The following SCUBE2 variants were observed in gnomAD, a reference collection of about 807,000 sequenced individuals.
SCUBE2 encodes the protein signal peptide, CUB and EGF-like domain-containing protein 2.
Under a neutral mutation model 125.9 loss-of-function variants are expected in SCUBE2, and 114 were observed. The ratio of observed to expected loss-of-function variants is 0.91; its 90% CI spans 0.78 to 1.06. SCUBE2 has a LOEUF of 1.06. SCUBE2 is among the 50% of genes least tolerant of loss of function. The pLI is 0.00. For missense variants in SCUBE2, 1,255 were observed against 1,301.8 expected (o/e 0.96, Z 0.55); for synonymous variants, 459 against 492.9 (o/e 0.93, Z 0.91).
intron 16 of SCUBE2, among the ~76,000 whole-genome samples, chr11:9,039,229 C>T (rs1428511163): frequency 6.6e-6 from 1 of 150,838 alleles, no homozygotes; most frequent in East Asian, 1.9e-4. Flanking sequence ...GAGCCTGGTA[C>T]AACAGACTGA....
chr11:9,043,790 G>A (rs1857444515), intron 16 of SCUBE2, among the ~76,000 whole-genome samples: 1 of 148,744 alleles, frequency 6.7e-6, no homozygotes, highest in Non-Finnish European at 1.5e-5. Flanking sequence ...AGAAAACCAA[G>A]TTAAAATGAC....
chr11:9,047,407 G>GT lies in SCUBE2; in HGVS notation c.1950dup (p.Arg651ThrfsTer27). On this transcript the variant is annotated frameshift_variant, in exon 16 of 23. Coordinates refer to ENST00000649792, the MANE Select transcript of SCUBE2 (RefSeq NM_001367977.2). LOFTEE classifies it high-confidence loss of function. ...CCCACTCCACAGGACTCTGCCTGGC[G>GT]TTCAGATGTTCTGGGAGGCTTTTTA... is the stretch of plus-strand genomic sequence containing the variant. 1.2e-6 allele frequency: 2 copies of GT among 1,614,176 alleles called. No homozygotes were observed. Among genetic ancestry groups the GT allele is most frequent in the Non-Finnish European group, 1.7e-6 (2 of 1,180,040 alleles).
At chr11:9,027,608 G>A (rs1364243612) in intron 19 of SCUBE2, 47 bp from the exon 20 acceptor site, 2 of 1,543,912 alleles carry the variant, frequency 1.3e-6, no homozygotes, top group Non-Finnish European at 8.8e-7. Context: ...TGTCATCTCT[G>A]TCCTGACCAC....
intron 4 of SCUBE2, 151 bp downstream of exon 4, chr11:9,074,330 C>T (rs929334124): frequency 1.1e-5 from 10 of 909,852 alleles, no homozygotes; most frequent in East Asian, 5.6e-5. Context: ...AACTTGCCCA[C>T]GGTTACCCGG....
rs183544122 is a variant in SCUBE2 at position 9,072,247 on chromosome 11, C to T, written c.517+2234G>A. On this transcript the variant is annotated intron_variant, in intron 4 of 22. Coordinates refer to ENST00000649792, the MANE Select transcript of SCUBE2 (RefSeq NM_001367977.2). The stretch of plus-strand genomic sequence containing the variant: ...TTATTGAGGTGGAGTCTCACTCTGT[C>T]GCCCAGGCTGGAGTGCAGTGGCACG... 3.8e-4 allele frequency among the ~76,000 whole-genome samples: 58 copies of T among 152,142 alleles called. No individual in the cohort carries two copies. In the East Asian group the frequency reaches 8.1e-3, roughly 21 times the overall value.
In SCUBE2 at chr11:9,040,263, A is replaced by T. The variant is rs570809649; in HGVS notation, c.2003-6467T>A. Among the ~76,000 whole-genome samples, 15 of 127,486 alleles carry T rather than the reference A, an allele frequency of 1.2e-4. No individual in the cohort carries two copies. The South Asian group carries it at 3.9e-3, about 34-fold the overall frequency. 83.6% of individuals were successfully genotyped at this position (127,486 alleles called of 152,430 possible). ...ATTTATAAATTAGGCACAGCAAGAG[A>T]TTAACAATAATAATAAAATAAAACA... On this transcript the variant is annotated intron_variant, in intron 16 of 22. Transcript: ENST00000649792.
chr11:9,022,083 T>C, intron 21 of SCUBE2, 128 bp from the exon 22 acceptor site: 1 of 669,300 alleles, frequency 1.5e-6, no homozygotes. Context: ...TTCTGCTTAC[T>C]GAGAAGACAG....
intron 1 of SCUBE2, chr11:9,090,336 G>A (rs2136044035): frequency 6.5e-6 from 1 of 154,312 alleles, no homozygotes; most frequent in African/African-American, 2.4e-5. Context: ...TGAACACCAA[G>A]CAGCTGTCTG....
At chr11:9,055,394 G>C (rs916853840) in intron 10 of SCUBE2, among the ~76,000 whole-genome samples, 1 of 152,216 alleles carries the variant, frequency 6.6e-6, no homozygotes. Flanking sequence ...CCTATGCATA[G>C]CAGGGCTGTG....
chr11:9,053,095 T>A lies in SCUBE2; in HGVS notation c.1447+4A>T, dbSNP rs1417229488. On this transcript the variant is annotated splice_donor_region_variant and intron_variant, in intron 12 of 22. Transcript: ENST00000649792. ...ACCTGCCCCGGGAACTGGGCCCCAC[T>A]CACCTGAAGAGAGGTGAATGCCAGA... 6.2e-7 allele frequency: 1 copy of A among 1,612,936 alleles called. No individual in the cohort carries two copies. Among genetic ancestry groups the A allele is most frequent in the South Asian group, 1.1e-5 (1 of 91,016 alleles).
chr11:9,030,682 T>A (rs770828638), intron 18 of SCUBE2, 76 bp downstream of exon 18: 19 of 1,455,936 alleles, frequency 1.3e-5, no homozygotes, highest in Non-Finnish European at 1.8e-5. Context: ...TGGGCTTGAC[T>A]GGAGCCTCAC....
intron 2 of SCUBE2, among the ~76,000 whole-genome samples, chr11:9,088,399 A>G (rs1205003212): frequency 6.6e-6 from 1 of 152,130 alleles, no homozygotes; most frequent in Non-Finnish European, 1.5e-5. Flanking sequence ...GAGGCAGGAG[A>G]ATTGCTTGGT....
chr11:9,055,279 G>T (rs1249216914), intron 10 of SCUBE2, among the ~76,000 whole-genome samples: 1 of 152,166 alleles, frequency 6.6e-6, no homozygotes. Context: ...TGAGACATGA[G>T]AACATTTTGC....
intron 7 of SCUBE2, chr11:9,065,044 G>A (rs1000601747): frequency 3.3e-5 from 5 of 151,988 alleles, no homozygotes; most frequent in Non-Finnish European, 5.9e-5. Flanking sequence ...AAGACTCAGT[G>A]GACACAAAAA....
At chr11:9,045,716 C>G (rs979888827) in intron 16 of SCUBE2, among the ~76,000 whole-genome samples, 21 of 151,940 alleles carry the variant, frequency 1.4e-4, no homozygotes, top group Admixed American at 6.6e-5. Flanking sequence ...ACACACCTGA[C>G]ACTTCTTTAC....
intron 2 of SCUBE2, among the ~76,000 whole-genome samples, chr11:9,081,876 AT>A (rs976239241): frequency 9.9e-5 from 15 of 152,158 alleles, no homozygotes; most frequent in Admixed American, 3.9e-4. Context: ...TCCTATGGTA[AT>A]TTTTTTTAAA....
At chr11:9,047,652 C>G (rs778642122) in intron 15 of SCUBE2, 90 bp from the exon 16 acceptor site, 12 of 1,322,088 alleles carry the variant, frequency 9.1e-6, no homozygotes, top group Non-Finnish European at 1.3e-5. Flanking sequence ...TACCAACACC[C>G]CGAGCTCCCT....
intron 16 of SCUBE2, 96 bp downstream of exon 16, chr11:9,047,260 T>C (rs2135392680): frequency 1.6e-6 from 2 of 1,268,480 alleles, no homozygotes; most frequent in South Asian, 2.5e-5. Context: ...AAGTGAGCCC[T>C]GAGAAGGGAG....
chr11:9,027,467 C>T lies in SCUBE2; in HGVS notation c.2598G>A (p.Trp866Ter). ...GGCGCTTGGGGGGTGGGTTGATGGT[C>T]CACGTACACTCGGTGTTGGCTGGGT... ...GNYPANTECT[W>*]TINPPPKRRI... Residue 866 changes from tryptophan (W) to a stop codon, truncating the protein, a stop_gained, in exon 20 of 23, where the codon TGG becomes TGA. Transcript: ENST00000649792. LOFTEE classifies it high-confidence loss of function. The T allele has an allele frequency of 1.2e-6, 2 of 1,614,046 alleles. No homozygotes were observed. The highest frequency in any genetic ancestry group is 1.7e-6 in the Non-Finnish European group (2 of 1,180,004).
Sources: allele counts gnomAD v4.1 joint callset (sites outside exome capture counted in the v4.1 genomes callset), GRCh38; gene constraint gnomAD v4.1.1; transcripts MANE v1.5; gene names NCBI Gene and HGNC (gene_info 2026-07-23, HGNC 2026-07-21).